Variants in TANC1 observed in about 807,000 individuals in gnomAD.
The protein encoded by TANC1 is tetratricopeptide repeat, ankyrin repeat and coiled-coil containing 1.
TANC1 carries 77 observed loss-of-function variants against 149.7 expected under a neutral mutation model. That is an observed-to-expected ratio of 0.51 (90% CI 0.43 to 0.62). The LOEUF (loss-of-function observed/expected upper bound fraction) is 0.62, where lower values mean the gene tolerates loss of function less well. Ranked by LOEUF, TANC1 falls within the 20% of genes least tolerant of loss-of-function variation. The pLI, the probability that TANC1 is intolerant of heterozygous loss-of-function variation, is 0.00. For missense variants in TANC1, 1,985 were observed against 2,321.8 expected, an observed-to-expected ratio of 0.85 and a Z score of 2.98; for synonymous variants, 854 against 925.0, an observed-to-expected ratio of 0.92 and a Z score of 1.39.
chr2:159,176,491 G>A lies in TANC1; in HGVS notation c.1875G>A (p.Leu625=). Residue 625 remains leucine, a synonymous_variant, in exon 13 of 27, where the codon TTG becomes TTA. Coordinates refer to ENST00000263635, the MANE Select transcript of TANC1 (RefSeq NM_033394.3). The part of the protein sequence containing the change: ...IISKFPAWLK[L]IVTVRANFQE... ...CTAAATTTCCTGCCTGGTTGAAGTTGATTGTGACTGTAAGAGCAAATTTTC... is the reference window on the plus strand; with the variant it reads ...CTAAATTTCCTGCCTGGTTGAAGTTAATTGTGACTGTAAGAGCAAATTTTC... 1 of 1,597,316 alleles carries A rather than the reference G, an allele frequency of 6.3e-7. No homozygotes were observed. The highest frequency in any genetic ancestry group is 8.5e-7 in the Non-Finnish European group (1 of 1,176,148).
At chr2:159,008,361 A>G (rs1207405460) in intron 2 of TANC1, among the ~76,000 whole-genome samples, 1 of 152,202 alleles carries the variant, frequency 6.6e-6, no homozygotes, top group Admixed American at 6.5e-5. Context: ...GCCATCAACA[A>G]GCTGTTGATT....
chr2:158,969,923 G>A (rs2032589967), intron 1 of TANC1, among the ~76,000 whole-genome samples: 1 of 150,224 alleles, frequency 6.7e-6, no homozygotes, highest in Non-Finnish European at 1.5e-5. Flanking sequence ...GGGAGGTGAG[G>A]AGGGAACTTT....
In TANC1 at chr2:159,065,987, T is replaced by G. The variant is rs185867220; in HGVS notation, c.61+16T>G. On this transcript the variant is annotated intron_variant, in intron 3 of 26. Coordinates refer to ENST00000263635, the MANE Select transcript of TANC1 (RefSeq NM_033394.3). ...AAGGAAGCAGGTATGTGTGCAAGAA[T>G]GAGAAGCTCAGCCATGGACAGCGGG... The G allele has an allele frequency of 3.7e-5, 60 of 1,605,168 alleles. No individual in the cohort carries two copies. Among genetic ancestry groups the G allele is most frequent in the Non-Finnish European group, 7.7e-6 (9 of 1,171,892 alleles).
Position 158,974,344 on chromosome 2 carries a change from G to A in TANC1, c.-126+5562G>A, listed in dbSNP as rs141707654. ...GGAAGATTGGTTCCAGGATTCCCACGGATACTAAAATCCTCAAATGCTTAA... is the reference window on the plus strand; with the variant it reads ...GGAAGATTGGTTCCAGGATTCCCACAGATACTAAAATCCTCAAATGCTTAA... On this transcript the variant is annotated intron_variant, in intron 1 of 26. Transcript: ENST00000263635. 5.9e-5 allele frequency among the ~76,000 whole-genome samples: 9 copies of A among 152,182 alleles called. No individual in the cohort carries two copies. The East Asian group carries it at 7.7e-4, about 13-fold the overall frequency.
At chr2:159,063,214 G>A (rs936310093) in intron 2 of TANC1, among the ~76,000 whole-genome samples, 6 of 152,134 alleles carry the variant, frequency 3.9e-5, no homozygotes, top group Non-Finnish European at 8.8e-5. Flanking sequence ...ATGTGTGACA[G>A]CACCTAGCTC....
Position 159,231,672 on chromosome 2 carries a change from TTG to T in TANC1, c.*663_*664del, listed in dbSNP as rs2060337693. ...TTTATAGCACTTTTGGAACCTATAT[TTG>T]TGCTTGAAGGTGTTTTTGATATTTG... On this transcript the variant is annotated 3_prime_UTR_variant, in exon 27 of 27. Transcript: ENST00000263635. The T allele has an allele frequency of 6.6e-6, 1 of 152,120 alleles. No homozygotes were observed. The highest frequency in any genetic ancestry group is 1.5e-5 in the Non-Finnish European group (1 of 68,032). The allele number at this position is 152,120 out of a possible 1,614,324, so 9.4% of individuals were successfully genotyped here. A position where few individuals can be genotyped will look rare whatever the true frequency, so the allele number is the denominator to read the frequency against.
intron 25 of TANC1, chr2:159,228,219 G>A (rs1211651569): frequency 4.3e-6 from 2 of 463,650 alleles, no homozygotes; most frequent in Admixed American, 4.0e-5. Context: ...AGAAGCAAAT[G>A]CAGTCTGCTC....
chr2:159,105,641 A>G (rs1171619289), intron 4 of TANC1, among the ~76,000 whole-genome samples: 1 of 152,214 alleles, frequency 6.6e-6, no homozygotes, highest in Non-Finnish European at 1.5e-5. Flanking sequence ...CTTTGTTTCT[A>G]TAGTACGTAA....
At chr2:159,187,079 C>A in intron 16 of TANC1, 55 bp downstream of exon 16, 1 of 1,597,488 alleles carries the variant, frequency 6.3e-7, no homozygotes, top group South Asian at 1.1e-5. Flanking sequence ...GGCTGCTGGC[C>A]GTTCCTCCAA....
At chr2:159,187,357 C>T (rs1398225174) in intron 16 of TANC1, among the ~76,000 whole-genome samples, 5 of 152,148 alleles carry the variant, frequency 3.3e-5, no homozygotes, top group African/African-American at 4.8e-5. Context: ...AAGTGTCCTG[C>T]GTTACTAATC....
At chr2:159,087,577 A>T (rs2045058828) in intron 3 of TANC1, among the ~76,000 whole-genome samples, 1 of 149,820 alleles carries the variant, frequency 6.7e-6, no homozygotes, top group African/African-American at 2.5e-5. Context: ...GCACAATCAC[A>T]GTTCACTTCA....
chr2:159,055,764 G>A (rs1312690793), intron 2 of TANC1, among the ~76,000 whole-genome samples: 1 of 152,062 alleles, frequency 6.6e-6, no homozygotes, highest in Admixed American at 6.6e-5. Flanking sequence ...TCCTGTACTG[G>A]CCCCTGCACT....
At chr2:159,205,430 C>T (rs1559455832) in intron 19 of TANC1, among the ~76,000 whole-genome samples, 1 of 152,222 alleles carries the variant, frequency 6.6e-6, no homozygotes, top group African/African-American at 2.4e-5. Flanking sequence ...CAGCCATCCC[C>T]CACATAATGA....
intron 3 of TANC1, among the ~76,000 whole-genome samples, chr2:159,084,717 C>G (rs1168595210): frequency 6.6e-6 from 1 of 152,172 alleles, no homozygotes; most frequent in Non-Finnish European, 1.5e-5. Context: ...ACAGAATGTT[C>G]CTGACAATTA....
At chr2:159,075,110 G>T (rs747616125) in intron 3 of TANC1, among the ~76,000 whole-genome samples, 1 of 152,000 alleles carries the variant, frequency 6.6e-6, no homozygotes, top group Non-Finnish European at 1.5e-5. Flanking sequence ...ATACCCTGGA[G>T]AATTGGTCAT....
Position 159,230,298 on chromosome 2 carries a change from G to A in TANC1, c.4872G>A (p.Thr1624=), listed in dbSNP as rs766111090. Reference sequence around the variant, plus strand: ...CTGCACACCCTTTACCAAGTAAGACGAAAACCACAGAGAGGCTTCTGTCTC... The same window carrying A: ...CTGCACACCCTTTACCAAGTAAGACAAAAACCACAGAGAGGCTTCTGTCTC... ...NGPAHPLPSK[T]KTTERLLSHS... is the part of the protein sequence containing the mutation. Residue 1624 remains threonine, a synonymous_variant, in exon 27 of 27, where the codon ACG becomes ACA. Transcript: ENST00000263635. This position sits in a 1 kb window ranked among gnomAD's most constrained non-coding sequence, Gnocchi z 4.4. 1.5e-5 allele frequency: 25 copies of A among 1,613,996 alleles called. No individual in the cohort carries two copies. The highest frequency in any genetic ancestry group is 3.3e-5 in the South Asian group (3 of 91,088).
intron 1 of TANC1, among the ~76,000 whole-genome samples, chr2:158,979,242 A>G (rs912246576): frequency 6.6e-6 from 1 of 152,112 alleles, no homozygotes; most frequent in African/African-American, 2.4e-5. Context: ...TAATTCTAGT[A>G]CTTTGGGAGG....
rs745896730 is a variant in TANC1, at chr2:159,198,999, G to A, written c.3190G>A (p.Glu1064Lys). The stretch of plus-strand genomic sequence containing the variant: ...GGTGGTCCAGTGCTTGCTGGGGATG[G>A]AGAAGGAACATGAAGTAGAAGTCAA... Reference protein sequence around the residue: ...SSVVQCLLGMEKEHEVEVNGT... With the variant: ...SSVVQCLLGMKKEHEVEVNGT... The change falls in exon 19 of 27, where the codon GAG becomes AAG. Residue 1064 changes from glutamate (E) to lysine (K), a missense_variant. Physicochemically the swap from Glu to Lys is moderately conservative, Grantham distance 56 (BLOSUM62 1). Around this residue, in one of 3 missense-constraint regions of TANC1, gnomAD observed 920 missense variants for 994.7 expected, o/e 0.92. Coordinates refer to ENST00000263635, the MANE Select transcript of TANC1 (RefSeq NM_033394.3). 4.3e-6 allele frequency: 7 copies of A among 1,614,064 alleles called. No homozygotes were observed. Among genetic ancestry groups the A allele is most frequent in the East Asian group, 4.5e-5 (2 of 44,860 alleles).
chr2:159,141,726 A>G (rs544559250), intron 5 of TANC1, among the ~76,000 whole-genome samples: 1 of 152,360 alleles, frequency 6.6e-6, no homozygotes, highest in East Asian at 1.9e-4. Flanking sequence ...GGCAAGTTAC[A>G]GTAGGGAAAC....
Sources: allele counts gnomAD v4.1 joint callset (sites outside exome capture counted in the v4.1 genomes callset), GRCh38; gene constraint gnomAD v4.1.1; regional missense constraint gnomAD v4.1.1; non-coding constraint Gnocchi (gnomAD v3.1); transcripts MANE v1.5; gene names NCBI Gene and HGNC (gene_info 2026-07-23, HGNC 2026-07-21).